The following KANSL1 variants were observed in gnomAD, a reference collection of about 807,000 sequenced individuals.
KANSL1 encodes MLL1/MLL complex subunit KANSL1.
Under a neutral mutation model 103.6 loss-of-function variants are expected in KANSL1, and 22 were observed. The observed-to-expected ratio is 0.21, with a 90% CI of 0.15 to 0.30. KANSL1 has a LOEUF of 0.30. Among genes scored for constraint, KANSL1 ranks in the 10% least tolerant of loss-of-function variants. The probability of loss-of-function intolerance (pLI) is 1.00; values close to 1 mark genes in which losing one functional copy is unlikely to be tolerated. For synonymous variants in KANSL1, 600 were observed against 527.6 expected, an observed-to-expected ratio of 1.14 and a Z score of -1.88; for missense variants, 1,337 against 1,399.8, an observed-to-expected ratio of 0.96 and a Z score of 0.72.
At chr17:46,121,542 C>T (rs1334160448) in intron 2 of KANSL1, among the ~76,000 whole-genome samples, 1 of 152,158 alleles carries the variant, frequency 6.6e-6, no homozygotes, top group Non-Finnish European at 1.5e-5. Context: ...GGCCTTTTTC[C>T]CTGATGACCC....
At chr17:46,122,718 T>C (rs563396111) in intron 2 of KANSL1, among the ~76,000 whole-genome samples, 8 of 152,394 alleles carry the variant, frequency 5.2e-5, no homozygotes, top group Admixed American at 6.5e-5. Context: ...TGTGACACAT[T>C]TGGGTAATTC....
intron 2 of KANSL1, among the ~76,000 whole-genome samples, chr17:46,145,477 G>T (rs1009797294): frequency 1.3e-5 from 2 of 152,232 alleles, no homozygotes; most frequent in Non-Finnish European, 2.9e-5. Context: ...GAGCTATCTA[G>T]AACAGTTATC....
chr17:46,031,613 C>T lies in KANSL1; in HGVS notation c.3181G>A (p.Ala1061Thr), dbSNP rs750589073. 8 of 1,613,992 alleles carry T rather than the reference C, an allele frequency of 5.0e-6. No individual in the cohort carries two copies. The highest frequency in any genetic ancestry group is 1.6e-4 in the Middle Eastern group (1 of 6,082). The change falls in exon 15 of 15, where the codon GCC becomes ACC. Residue 1061 changes from alanine to threonine, a missense_variant. Ala to Thr is a moderately conservative substitution (Grantham distance 58). Coordinates refer to ENST00000432791, the MANE Select transcript of KANSL1 (RefSeq NM_015443.4). ...CCTGAGGTGCGTCGAGTGCAGCGGG[C>T]TGCTCGCTCCTGTGCATCCAGCTGG... ...EDQLDAQERA[A>T]RCTRRTSGSK...
At chr17:46,041,518 C>T (rs1040226579) in intron 7 of KANSL1, 5 of 152,286 alleles carry the variant, frequency 3.3e-5, no homozygotes, top group Admixed American at 2.0e-4. Context: ...CTCAGAAGTT[C>T]CCGCCAGAGT....
intron 4 of KANSL1, among the ~76,000 whole-genome samples, chr17:46,069,756 CAAAACAAAAAACAAACA>C (rs1300530980): frequency 6.6e-6 from 1 of 151,566 alleles, no homozygotes; most frequent in Non-Finnish European, 1.5e-5. Context: ...CAAAACAAAA[CAAAACAAAAAACAAACA>C]AAAACAAAAA....
chr17:46,088,525 CCCATCCTCAATAACATTT>C (rs2079251644), intron 3 of KANSL1: 2 of 152,252 alleles, frequency 1.3e-5, no homozygotes, highest in South Asian at 4.1e-4. Flanking sequence ...TCTTCCACCT[CCCATCCTCAATAACATTT>C]CCATCCTCAG....
At chr17:46,050,336 G>A (rs1598482384) in intron 7 of KANSL1, 197 bp downstream of exon 7, 2 of 590,192 alleles carry the variant, frequency 3.4e-6, no homozygotes, top group Non-Finnish European at 6.0e-6. Context: ...CTCATATTAA[G>A]TTGCAACCTT....
intron 2 of KANSL1, among the ~76,000 whole-genome samples, chr17:46,117,629 T>C (rs761962856): frequency 2.6e-5 from 4 of 152,228 alleles, no homozygotes; most frequent in Non-Finnish European, 5.9e-5. Flanking sequence ...CTAATTCCAA[T>C]GAAAAGCCCA....
intron 2 of KANSL1, among the ~76,000 whole-genome samples, chr17:46,167,484 C>T (rs754385093): frequency 1.3e-5 from 2 of 152,192 alleles, no homozygotes; most frequent in African/African-American, 2.4e-5. Flanking sequence ...CTGTACCTTC[C>T]ACAGTGATGA....
At chr17:46,117,415 CTTTG>C (rs1038605084) in intron 2 of KANSL1, among the ~76,000 whole-genome samples, 4 of 152,204 alleles carry the variant, frequency 2.6e-5, no homozygotes, top group African/African-American at 9.7e-5. Flanking sequence ...AGGAATTCGT[CTTTG>C]TTTTATTCAC....
At position 46,161,270 on chromosome 17, in the gene KANSL1, A is replaced by C. The variant is rs1004449962; in HGVS notation, c.1289+9585T>G. On this transcript the variant is annotated intron_variant, in intron 2 of 14. Transcript: ENST00000432791. ...TCTACTAAAAAAAAAAAAAAAAAAAAAAAAAAATACAAAAAATTAGCCGGG... is the reference window on the plus strand; with the variant it reads ...TCTACTAAAAAAAAAAAAAAAAAAACAAAAAAATACAAAAAATTAGCCGGG... 3.8e-5 allele frequency among the ~76,000 whole-genome samples: 5 copies of C among 130,634 alleles called. No individual in the cohort carries two copies. The South Asian group carries it at 8.9e-4, about 23-fold the overall frequency. The allele number at this position is 130,634 out of a possible 152,430, so 85.7% of individuals were successfully genotyped here. A position where few individuals can be genotyped will look rare whatever the true frequency, so the allele number is the denominator to read the frequency against.
chr17:46,174,721 C>T (rs893225174), intron 1 of KANSL1, among the ~76,000 whole-genome samples: 15 of 152,222 alleles, frequency 9.9e-5, no homozygotes, highest in African/African-American at 3.1e-4. Flanking sequence ...GTCACCCAAG[C>T]TAGAGTGCAG....
intron 2 of KANSL1, among the ~76,000 whole-genome samples, chr17:46,167,614 G>A (rs2046070924): frequency 6.6e-6 from 1 of 152,106 alleles, no homozygotes; most frequent in African/African-American, 2.4e-5. Context: ...AATTTTCCAA[G>A]AAGAGTTTAA....
chr17:46,168,845 A>G (rs2696660), intron 2 of KANSL1, among the ~76,000 whole-genome samples: 21,941 of 152,184 alleles, frequency 0.14, 2,137 homozygotes, highest in Non-Finnish European at 0.22. Flanking sequence ...CTTCCAAACC[A>G]TAAACCATTA....
Position 46,171,893 on chromosome 17 carries a change from C to G in KANSL1, c.251G>C (p.Cys84Ser). 1.2e-6 allele frequency: 2 copies of G among 1,614,268 alleles called. No homozygotes were observed. The highest frequency in any genetic ancestry group is 2.2e-5 in the South Asian group (2 of 91,090). The change falls in exon 2 of 15, where the codon TGC becomes TCC. Residue 84 changes from cysteine (C) to serine (S), a missense_variant. Physicochemically the swap from Cys to Ser is moderately radical, Grantham distance 112. Transcript: ENST00000432791. The stretch of plus-strand genomic sequence containing the variant: ...TGAGGGAACAGATGTTACATCAGAG[C>G]AGAGATAAGATGCCACCAGTGGTTG... ...KLQPLVASYL[C>S]SDVTSVPSKE... is the part of the protein sequence containing the mutation.
chr17:46,056,881 T>C (rs973517608), intron 6 of KANSL1, among the ~76,000 whole-genome samples: 1 of 152,256 alleles, frequency 6.6e-6, no homozygotes, highest in Non-Finnish European at 1.5e-5. Context: ...ACTGTAGATA[T>C]CTAGCAGCAT....
intron 2 of KANSL1, among the ~76,000 whole-genome samples, chr17:46,096,512 G>GTT (rs139282381): frequency 6.6e-6 from 1 of 151,218 alleles, no homozygotes; most frequent in African/African-American, 2.4e-5. Flanking sequence ...TAGACACGGG[G>GTT]TTTCTCCATG....
At chr17:46,125,566 G>C (rs1307502719) in intron 2 of KANSL1, among the ~76,000 whole-genome samples, 4 of 152,166 alleles carry the variant, frequency 2.6e-5, no homozygotes, top group Non-Finnish European at 4.4e-5. Flanking sequence ...CCACTCCCAA[G>C]ACCAAAGGGG....
chr17:46,111,657 T>C (rs768875582), intron 2 of KANSL1, among the ~76,000 whole-genome samples: 1 of 152,230 alleles, frequency 6.6e-6, no homozygotes, highest in Non-Finnish European at 1.5e-5. Flanking sequence ...CATCCAAGTA[T>C]ACATGGCAAC....
Sources: allele counts gnomAD v4.1 joint callset (sites outside exome capture counted in the v4.1 genomes callset), GRCh38; gene constraint gnomAD v4.1.1; transcripts MANE v1.5; gene names NCBI Gene and HGNC (gene_info 2026-07-23, HGNC 2026-07-21).